TRAK1: variants seen among roughly 807,000 people sequenced by gnomAD.
TRAK1 encodes trafficking kinesin-binding protein 1.
A neutral mutation model predicts 92.1 loss-of-function variants in TRAK1; 33 were observed. The ratio of observed to expected loss-of-function variants is 0.36; its 90% CI spans 0.27 to 0.48. TRAK1 has a LOEUF of 0.48. Ranked by LOEUF, TRAK1 falls within the 20% of genes least tolerant of loss-of-function variation. TRAK1 has a pLI of 0.99. For synonymous variants in TRAK1, 521 were observed against 517.3 expected, an observed-to-expected ratio of 1.01 and a Z score of -0.10; for missense variants, 1,123 against 1,257.9, an observed-to-expected ratio of 0.89 and a Z score of 1.62.
intron 6 of TRAK1, among the ~76,000 whole-genome samples, chr3:42,190,101 T>C (rs1436682098): frequency 6.6e-6 from 1 of 152,156 alleles, no homozygotes; most frequent in East Asian, 1.9e-4. Context: ...TCTAAGCCCC[T>C]TGTTTTTCAC....
At chr3:42,176,296 TGAG>T (rs1481828006) in intron 2 of TRAK1, among the ~76,000 whole-genome samples, 1 of 152,216 alleles carries the variant, frequency 6.6e-6, no homozygotes, top group East Asian at 1.9e-4. Flanking sequence ...GTAGGCCACT[TGAG>T]GAGGAGGGGG....
At chr3:42,169,362 A>G (rs560732899) in intron 2 of TRAK1, among the ~76,000 whole-genome samples, 1 of 152,068 alleles carries the variant, frequency 6.6e-6, no homozygotes, top group Admixed American at 6.5e-5. Flanking sequence ...TCACCAATTG[A>G]TGGACTTTTT....
intron 1 of TRAK1, among the ~76,000 whole-genome samples, chr3:42,098,422 G>T (rs1428455747): frequency 2.0e-5 from 3 of 152,184 alleles, no homozygotes; most frequent in African/African-American, 7.2e-5. Context: ...TCCCAGTTGA[G>T]TCTGCAGGTT....
At chr3:42,037,488 C>T (rs1291957321) in intron 1 of TRAK1, among the ~76,000 whole-genome samples, 2 of 152,194 alleles carry the variant, frequency 1.3e-5, no homozygotes, top group South Asian at 2.1e-4. Context: ...GGATGGTGAG[C>T]AGGCATGCAG....
intron 1 of TRAK1, among the ~76,000 whole-genome samples, chr3:42,054,957 G>A (rs1703141446): frequency 9.4e-6 from 1 of 106,518 alleles, no homozygotes; most frequent in African/African-American, 3.7e-5. Flanking sequence ...GTCTCACTCT[G>A]TCACCCAGGC....
intron 2 of TRAK1, among the ~76,000 whole-genome samples, chr3:42,135,508 G>A (rs1697835842): frequency 6.6e-6 from 1 of 152,184 alleles, no homozygotes; most frequent in African/African-American, 2.4e-5. Context: ...TGGGAGGATT[G>A]CTTGAAGCCA....
At chr3:42,201,883 G>GACACACACACACACACAC (rs56336064) in intron 12 of TRAK1, among the ~76,000 whole-genome samples, 16 of 125,080 alleles carry the variant, frequency 1.3e-4, no homozygotes, top group African/African-American at 4.3e-4. Context: ...CGGACAGACG[G>GACACACACACACACACAC]ACACACACAC....
chr3:42,212,800 A>G (rs1330129226), intron 14 of TRAK1, among the ~76,000 whole-genome samples: 1 of 152,210 alleles, frequency 6.6e-6, no homozygotes. Context: ...ACACAGTTAA[A>G]TTGGTAGTTG....
Position 42,201,010 on chromosome 3 carries a change from CAA to C in TRAK1, c.1384_1385del (p.Lys462AspfsTer17). ...SDIGNVVLDNKTNSIILETEA... is the reference protein window; with the variant it reads ...SDIGNVVLDNXTNSIILETEA... ...ACATAGGCAACGTCGTCCTCGACAA[CAA>C]GACCAACAGCATCATTCTGGAAACA... On this transcript the variant is annotated frameshift_variant, in exon 12 of 16. Coordinates refer to ENST00000327628, the MANE Select transcript of TRAK1 (RefSeq NM_001042646.3). LOFTEE classifies it high-confidence loss of function. 6.2e-7 allele frequency: 1 copy of C among 1,614,190 alleles called. No individual in the cohort carries two copies.
At chr3:42,095,069 A>G (rs1167668980) in intron 1 of TRAK1, among the ~76,000 whole-genome samples, 1 of 152,234 alleles carries the variant, frequency 6.6e-6, no homozygotes, top group African/African-American at 2.4e-5. Flanking sequence ...TACCACAGAC[A>G]CATTCAGAAT....
intron 1 of TRAK1, among the ~76,000 whole-genome samples, chr3:42,123,979 A>G (rs1429874211): frequency 6.6e-6 from 1 of 152,042 alleles, no homozygotes; most frequent in Non-Finnish European, 1.5e-5. Flanking sequence ...TGTCTCTACA[A>G]AAAATAAAAT....
chr3:42,121,792 G>GATAT (rs1709913114), intron 1 of TRAK1, among the ~76,000 whole-genome samples: 1 of 151,994 alleles, frequency 6.6e-6, no homozygotes, highest in Non-Finnish European at 1.5e-5. Flanking sequence ...TTATAAGGCT[G>GATAT]GTCATGTCAC....
At position 42,109,909 on chromosome 3, in the gene TRAK1, A is replaced by G. The variant is rs781156088; in HGVS notation, c.92-15511A>G. Among the ~76,000 whole-genome samples, 58 of 151,308 alleles carry G rather than the reference A, an allele frequency of 3.8e-4. 1 individual carries two copies. The Middle Eastern group carries it at 0.014, about 35-fold the overall frequency. On this transcript the variant is annotated intron_variant, in intron 1 of 15. Coordinates refer to ENST00000327628, the MANE Select transcript of TRAK1 (RefSeq NM_001042646.3). ...CAGGCGGGAATTGAACTGTGAGAAC[A>G]CTTGGACACAGGATGGGGAACATCA...
chr3:42,194,864 G>C lies in TRAK1; in HGVS notation c.1036G>C (p.Glu346Gln). The change falls in exon 10 of 16, where the codon GAG becomes CAG. Residue 346 changes from glutamate to glutamine, a missense_variant. This residue lies in a region of TRAK1 where 686 missense variants were observed against 747.6 expected (regional missense o/e 0.92). Coordinates refer to ENST00000327628, the MANE Select transcript of TRAK1 (RefSeq NM_001042646.3). ...GGAGATGCTGCATGAGGCGCAGGAG[G>C]AGCTGAAGAACCTCCGGAACAAAAC... The part of the protein sequence containing the change: ...CMEMLHEAQE[E>Q]LKNLRNKTMP... 1 of 1,613,992 alleles carries C rather than the reference G, an allele frequency of 6.2e-7. No homozygotes were observed. Among genetic ancestry groups the C allele is most frequent in the Non-Finnish European group, 8.5e-7 (1 of 1,179,968 alleles).
At chr3:42,088,284 A>T (rs1040601859), upstream of TRAK1, among the ~76,000 whole-genome samples, 1 of 152,170 alleles carries the variant, frequency 6.6e-6, no homozygotes, top group Non-Finnish European at 1.5e-5. Flanking sequence ...GGATACAGAA[A>T]GGCACAGAGA....
At chr3:42,214,936 C>T (rs1223662083) in intron 14 of TRAK1, among the ~76,000 whole-genome samples, 2 of 152,190 alleles carry the variant, frequency 1.3e-5, no homozygotes, top group African/African-American at 4.8e-5. Flanking sequence ...TTTAAAATCA[C>T]TTTTGTATTT....
At chr3:42,134,611 G>A (rs1285798964) in intron 2 of TRAK1, among the ~76,000 whole-genome samples, 3 of 103,260 alleles carry the variant, frequency 2.9e-5, no homozygotes, top group Non-Finnish European at 5.4e-5. Context: ...TTTTGAGACA[G>A]AGTCTCGCTC....
intron 6 of TRAK1, 26 bp from the exon 7 acceptor site, chr3:42,191,532 G>A: frequency 1.3e-6 from 2 of 1,567,466 alleles, no homozygotes; most frequent in Non-Finnish European, 1.7e-6. Flanking sequence ...AGAATGTGGG[G>A]CCTCTGACCT....
intron 14 of TRAK1, chr3:42,211,045 T>A (rs765905707): frequency 1.7e-4 from 165 of 985,274 alleles, no homozygotes; most frequent in Non-Finnish European, 1.9e-4. Flanking sequence ...TTTTGTGGAG[T>A]CAGGGGGGAG....
Sources: allele counts gnomAD v4.1 joint callset (sites outside exome capture counted in the v4.1 genomes callset), GRCh38; gene constraint gnomAD v4.1.1; regional missense constraint gnomAD v4.1.1; transcripts MANE v1.5; gene names NCBI Gene and HGNC (gene_info 2026-07-23, HGNC 2026-07-21).